SNX29: variants seen among roughly 807,000 people sequenced by gnomAD.
The protein encoded by SNX29 is sorting nexin 29.
In SNX29, 78 loss-of-function variants were observed where a neutral mutation model predicts 102.1. That is an observed-to-expected ratio of 0.76 (90% CI 0.64 to 0.92). The LOEUF is 0.92. SNX29 is among the 40% of genes least tolerant of loss of function. SNX29 has a pLI of 0.00. For synonymous variants in SNX29, 580 were observed against 414.5 expected (o/e 1.40, Z -4.85); for missense variants, 1,280 against 1,061.7 (o/e 1.21, Z -2.86).
intron 18 of SNX29, among the ~76,000 whole-genome samples, chr16:12,449,867 T>C (rs2086226908): frequency 6.6e-6 from 1 of 152,212 alleles, no homozygotes. Flanking sequence ...ACAATGTTTT[T>C]ACATGATTTC....
chr16:12,491,025 A>G (rs577182668), intron 19 of SNX29, among the ~76,000 whole-genome samples: 1 of 152,372 alleles, frequency 6.6e-6, no homozygotes, highest in East Asian at 1.9e-4. Flanking sequence ...TTCTTTATGT[A>G]GCCTTTCACA....
intron 14 of SNX29, among the ~76,000 whole-genome samples, chr16:12,228,277 C>T (rs141589674): frequency 4.0e-4 from 61 of 152,352 alleles, no homozygotes; most frequent in African/African-American, 1.3e-3. Flanking sequence ...CTTCCACACC[C>T]ATGGCAGGCA....
At chr16:12,530,541 G>GTT (rs146524178) in intron 20 of SNX29, among the ~76,000 whole-genome samples, 6 of 146,838 alleles carry the variant, frequency 4.1e-5, no homozygotes, top group African/African-American at 1.5e-4. Context: ...ATTTGCCTTC[G>GTT]TTTTTTTTTT....
At chr16:12,476,670 C>T (rs940406714) in intron 18 of SNX29, among the ~76,000 whole-genome samples, 2 of 151,562 alleles carry the variant, frequency 1.3e-5, no homozygotes, top group South Asian at 2.1e-4. Context: ...CCATCTCACT[C>T]CATCGGAAAC....
intron 20 of SNX29, among the ~76,000 whole-genome samples, chr16:12,555,112 C>CA (rs2078246835): frequency 7.9e-6 from 1 of 126,498 alleles, no homozygotes; most frequent in Admixed American, 7.7e-5. Flanking sequence ...GGGACAATCT[C>CA]AGAGTATCAA....
chr16:12,541,339 A>AC (rs1025927309), intron 20 of SNX29, among the ~76,000 whole-genome samples: 1 of 152,102 alleles, frequency 6.6e-6, no homozygotes, highest in African/African-American at 2.4e-5. Context: ...TGCCAGAATT[A>AC]CCTTCTTCAT....
At chr16:12,557,159 T>A (rs2078420287) in intron 20 of SNX29, among the ~76,000 whole-genome samples, 1 of 152,024 alleles carries the variant, frequency 6.6e-6, no homozygotes, top group South Asian at 2.1e-4. Flanking sequence ...ACAATTTCCA[T>A]TTTGGCTATG....
At chr16:12,368,684 G>T (rs2082573839) in intron 16 of SNX29, among the ~76,000 whole-genome samples, 1 of 152,192 alleles carries the variant, frequency 6.6e-6, no homozygotes, top group Non-Finnish European at 1.5e-5. Context: ...ATAGAAGCTG[G>T]GATTGGAAGG....
At position 12,278,032 on chromosome 16, in the gene SNX29, T is replaced by C. The variant is rs755249278; in HGVS notation, c.1778T>C (p.Ile593Thr). 6.3e-7 allele frequency: 1 copy of C among 1,597,442 alleles called. No homozygotes were observed. The highest frequency in any genetic ancestry group is 2.3e-5 in the East Asian group (1 of 44,288). Residue 593 changes from isoleucine (I) to threonine (T), a missense_variant, in exon 15 of 21, where the codon ATC (isoleucine) becomes ACC (threonine). Coordinates refer to ENST00000566228, the MANE Select transcript of SNX29 (RefSeq NM_032167.5). ...GCAAGCTCCTACGAAAGAAAGCTCA[T>C]CGAGGTAAGGCCGGTGGAGTCTGTG... Reference protein sequence around the residue: ...ELASSYERKLIEVAEMHGELI... With the variant: ...ELASSYERKLTEVAEMHGELI...
chr16:12,071,048 C>T (rs1485674820), intron 10 of SNX29, among the ~76,000 whole-genome samples: 2 of 151,714 alleles, frequency 1.3e-5, no homozygotes, highest in African/African-American at 4.8e-5. Flanking sequence ...TGTTTGAGTT[C>T]ATTGTAGATT....
chr16:12,475,169 G>A (rs1424020227), intron 18 of SNX29, among the ~76,000 whole-genome samples: 2 of 152,218 alleles, frequency 1.3e-5, no homozygotes, highest in Non-Finnish European at 2.9e-5. Flanking sequence ...CTGCTTGTCT[G>A]ATGGGTGAGT....
chr16:12,472,695 G>T (rs1033665075), intron 18 of SNX29, among the ~76,000 whole-genome samples: 1 of 152,122 alleles, frequency 6.6e-6, no homozygotes, highest in Non-Finnish European at 1.5e-5. Flanking sequence ...GTCTCCTTGA[G>T]ACCTTATCTC....
chr16:12,255,928 T>C (rs754763240), intron 14 of SNX29, among the ~76,000 whole-genome samples: 7 of 152,216 alleles, frequency 4.6e-5, no homozygotes, highest in Non-Finnish European at 1.0e-4. Flanking sequence ...GGCAGCTCTA[T>C]TTTTAGTTTT....
chr16:12,284,243 G>C (rs899426057), intron 15 of SNX29, among the ~76,000 whole-genome samples: 1 of 152,234 alleles, frequency 6.6e-6, no homozygotes, highest in East Asian at 1.9e-4. Flanking sequence ...ACTGAGTTCA[G>C]ATTTGCCACT....
At chr16:12,515,933 C>A (rs188923570) in intron 19 of SNX29, among the ~76,000 whole-genome samples, 1 of 152,050 alleles carries the variant, frequency 6.6e-6, no homozygotes, top group Non-Finnish European at 1.5e-5. Flanking sequence ...CACTGCAGAT[C>A]AGGCAGCCCC....
intron 19 of SNX29, among the ~76,000 whole-genome samples, chr16:12,496,264 T>C (rs2088816175): frequency 6.6e-6 from 1 of 152,180 alleles, no homozygotes; most frequent in South Asian, 2.1e-4. Flanking sequence ...AACTCACAGG[T>C]CACATTCCAC....
chr16:12,556,275 C>G (rs756600392), intron 20 of SNX29: 1 of 152,144 alleles, frequency 6.6e-6, no homozygotes, highest in Non-Finnish European at 1.5e-5. Context: ...GCAAGAAATC[C>G]GAGGTCCTGT....
intron 13 of SNX29, among the ~76,000 whole-genome samples, chr16:12,131,303 G>T (rs928409906): frequency 1.6e-4 from 25 of 152,156 alleles, no homozygotes; most frequent in African/African-American, 6.0e-4. Flanking sequence ...CTGTCACTTT[G>T]TTTATATACT....
intron 17 of SNX29, among the ~76,000 whole-genome samples, chr16:12,400,369 C>A (rs182629731): frequency 6.6e-6 from 1 of 152,334 alleles, no homozygotes. Flanking sequence ...TGCCTCTGTG[C>A]TGGACACTGT....
Sources: allele counts gnomAD v4.1 joint callset (sites outside exome capture counted in the v4.1 genomes callset), GRCh38; gene constraint gnomAD v4.1.1; transcripts MANE v1.5; gene names NCBI Gene and HGNC (gene_info 2026-07-23, HGNC 2026-07-21).